Variants in SYNE2 observed in about 807,000 individuals in gnomAD.
SYNE2 encodes the protein spectrin repeat containing nuclear envelope protein 2, also known as nesprin-2.
Under a neutral mutation model 856.3 loss-of-function variants are expected in SYNE2, and 431 were observed. The observed-to-expected ratio is 0.50, with a 90% CI of 0.47 to 0.55. SYNE2 has a LOEUF of 0.55. SYNE2 is among the 20% of genes least tolerant of loss of function. The probability of loss-of-function intolerance (pLI) is 0.00; values close to 1 mark genes in which losing one functional copy is unlikely to be tolerated. For synonymous variants in SYNE2, 2,923 were observed against 2,872.3 expected (o/e 1.02, Z -0.56); for missense variants, 8,129 against 8,023.2 (o/e 1.01, Z -0.50).
At chr14:64,086,464 G>C (rs2097562056) in intron 57 of SYNE2, among the ~76,000 whole-genome samples, 2 of 152,020 alleles carry the variant, frequency 1.3e-5, no homozygotes, top group South Asian at 4.1e-4. Context: ...TTTCAGATTT[G>C]TTTTGGCTAA....
chr14:64,039,488 A>G (rs564373409), intron 45 of SYNE2, among the ~76,000 whole-genome samples: 92 of 152,334 alleles, frequency 6.0e-4, no homozygotes, highest in Non-Finnish European at 1.0e-3. Context: ...GGAGGAGTTC[A>G]TGATATTCTT....
At chr14:63,981,321 C>T in intron 16 of SYNE2, 148 bp downstream of exon 16, 2 of 723,340 alleles carry the variant, frequency 2.8e-6, no homozygotes, top group Non-Finnish European at 2.3e-6. Flanking sequence ...AATTTAGTTT[C>T]TTCCTGATAT....
At chr14:64,198,062 G>A (rs772137969) in intron 99 of SYNE2, among the ~76,000 whole-genome samples, 65 of 152,158 alleles carry the variant, frequency 4.3e-4, no homozygotes, top group Non-Finnish European at 8.4e-4. Context: ...TAAAAATTTT[G>A]TTTTTCTGAT....
At chr14:64,051,362 G>C (rs549178666) in intron 47 of SYNE2, among the ~76,000 whole-genome samples, 195 bp from the exon 48 acceptor site, 14 of 150,692 alleles carry the variant, frequency 9.3e-5, no homozygotes, top group African/African-American at 3.4e-4. Context: ...TTTTATAGGA[G>C]AGTTTTCTAC....
intron 19 of SYNE2, among the ~76,000 whole-genome samples, chr14:63,987,016 G>A (rs772710951): frequency 6.6e-6 from 1 of 152,108 alleles, no homozygotes; most frequent in Non-Finnish European, 1.5e-5. Flanking sequence ...CACTTTGGGC[G>A]GTTGAAGTGG....
Position 64,107,579 on chromosome 14 carries a change from G to C in SYNE2, c.12581G>C (p.Cys4194Ser). The change falls in exon 65 of 116, where the codon TGT (cysteine) becomes TCT (serine). Residue 4194 changes from cysteine to serine, a missense_variant. This residue lies in a region of SYNE2 where 5,410 missense variants were observed against 5,284.8 expected (regional missense o/e 1.02). Coordinates refer to ENST00000555002, the MANE Select transcript of SYNE2 (RefSeq NM_182914.3). ...CTAAACACTGAGCAAGGCCCAGAATGTTCCCTAAGGCCCAACCAAACAGAA... is the reference window on the plus strand; with the variant it reads ...CTAAACACTGAGCAAGGCCCAGAATCTTCCCTAAGGCCCAACCAAACAGAA... Reference protein sequence around the residue: ...DSLNTEQGPECSLRPNQTEEG... With the variant: ...DSLNTEQGPESSLRPNQTEEG... 6.2e-7 allele frequency: 1 copy of C among 1,614,146 alleles called. No homozygotes were observed. The highest frequency in any genetic ancestry group is 8.5e-7 in the Non-Finnish European group (1 of 1,180,002).
intron 1 of SYNE2, among the ~76,000 whole-genome samples, chr14:63,842,161 TG>T (rs1890088920): frequency 6.6e-6 from 1 of 151,262 alleles, no homozygotes; most frequent in South Asian, 2.1e-4. Flanking sequence ...TTCTTCTTTT[TG>T]TTTGTTTGTT....
At chr14:64,065,380 A>G (rs2097350984) in intron 50 of SYNE2, 52 bp from the exon 51 acceptor site, 2 of 1,513,146 alleles carry the variant, frequency 1.3e-6, no homozygotes, top group South Asian at 1.1e-5. Flanking sequence ...AGTAAGTTTC[A>G]GGAAAACCAT....
chr14:63,831,714 C>A (rs1351919580), intron 1 of SYNE2, among the ~76,000 whole-genome samples: 2 of 151,742 alleles, frequency 1.3e-5, no homozygotes, highest in East Asian at 3.9e-4. Context: ...CACCACCACA[C>A]CTGGCTAATT....
At chr14:64,132,785 C>T (rs1193011367) in intron 77 of SYNE2, among the ~76,000 whole-genome samples, 1 of 152,056 alleles carries the variant, frequency 6.6e-6, no homozygotes, top group East Asian at 1.9e-4. Context: ...GCCCAGATGT[C>T]CTAAAATGGA....
At chr14:64,065,030 A>ACTC (rs2097347897) in intron 50 of SYNE2, among the ~76,000 whole-genome samples, 10 of 152,042 alleles carry the variant, frequency 6.6e-5, no homozygotes, top group Admixed American at 6.6e-4. Flanking sequence ...ACGCCCAGCT[A>ACTC]AATTTTGTGT....
rs1397120763 is a variant in SYNE2 at position 64,165,544 on chromosome 14, G to A, written c.16605+134G>A. ...TTTTTTTTTTTTGAGACGGACTCTCGCTCTGTCACCCAGGCTGGAGTGCAG... is the reference window on the plus strand; with the variant it reads ...TTTTTTTTTTTTGAGACGGACTCTCACTCTGTCACCCAGGCTGGAGTGCAG... On this transcript the variant is annotated intron_variant, in intron 90 of 115. Coordinates refer to ENST00000555002, the MANE Select transcript of SYNE2 (RefSeq NM_182914.3). 137 of 964,178 alleles carry A rather than the reference G, an allele frequency of 1.4e-4. 1 individual carries two copies. Among genetic ancestry groups the A allele is most frequent in the East Asian group, 8.0e-5 (3 of 37,332 alleles). The allele number at this position is 964,178 out of a possible 1,614,324, so 59.7% of individuals were successfully genotyped here.
In SYNE2 at chr14:64,162,167, C is replaced by G. The variant is rs1464952796; in HGVS notation, c.16190C>G (p.Ala5397Gly). 1.2e-6 allele frequency: 2 copies of G among 1,614,204 alleles called. No homozygotes were observed. Among genetic ancestry groups the G allele is most frequent in the East Asian group, 2.2e-5 (1 of 44,876 alleles). Residue 5397 changes from alanine to glycine, a missense_variant, in exon 88 of 116, where the codon GCT becomes GGT. Coordinates refer to ENST00000555002, the MANE Select transcript of SYNE2 (RefSeq NM_182914.3). Reference protein sequence around the residue: ...WKAYSNAHGEAAARLKQQEAK... With the variant: ...WKAYSNAHGEGAARLKQQEAK... ...GCCTATAGCAATGCTCATGGTGAAG[C>G]TGCCGCAAGGCTGAAGCAGCAGGAA...
intron 57 of SYNE2, among the ~76,000 whole-genome samples, chr14:64,086,544 A>G (rs1424636128): frequency 6.6e-6 from 1 of 152,000 alleles, no homozygotes; most frequent in African/African-American, 2.4e-5. Context: ...GGTCTGTGGG[A>G]ATTTTGAGTG....
chr14:64,136,997 C>T (rs538632837), intron 78 of SYNE2, among the ~76,000 whole-genome samples: 50 of 152,266 alleles, frequency 3.3e-4, no homozygotes, highest in Non-Finnish European at 2.4e-4. Context: ...ACATGAGATG[C>T]AGACCAACAA....
chr14:63,827,625 C>CAAAAAAAAAAAAAAAAAAAAAAAA (rs11334415), intron 1 of SYNE2, among the ~76,000 whole-genome samples: 12 of 28,404 alleles, frequency 4.2e-4, no homozygotes, highest in Non-Finnish European at 4.4e-4. Context: ...AACTCTGTCT[C>CAAAAAAAAAAAAAAAAAAAAAAAA]AAAAAAAAAA....
Position 64,177,446 on chromosome 14 carries a change from TTCAC to T in SYNE2, c.17520_17523del (p.His5841ArgfsTer9). Reference sequence around the variant, plus strand: ...CAAAGTGAAGATCCTCTTCCAGAGCTTCACGAGGACCTCCATAACGAAAAAGAGC... The same window carrying T: ...CAAAGTGAAGATCCTCTTCCAGAGCTGAGGACCTCCATAACGAAAAAGAGC... On this transcript the variant is annotated frameshift_variant, in exon 96 of 116. Transcript: ENST00000555002. LOFTEE classifies it high-confidence loss of function. The T allele has an allele frequency of 6.2e-7, 1 of 1,614,172 alleles. No homozygotes were observed. The highest frequency in any genetic ancestry group is 8.5e-7 in the Non-Finnish European group (1 of 1,180,024).
At chr14:64,216,446 A>C in intron 108 of SYNE2, 59 bp downstream of exon 108, 2 of 1,586,622 alleles carry the variant, frequency 1.3e-6, no homozygotes, top group Non-Finnish European at 1.7e-6. Context: ...TTACATTTGC[A>C]AGAGAGAGAG....
At chr14:63,827,645 A>AAC (rs1889496264) in intron 1 of SYNE2, among the ~76,000 whole-genome samples, 1 of 149,284 alleles carries the variant, frequency 6.7e-6, no homozygotes, top group Non-Finnish European at 1.5e-5. Context: ...AAAAAAAAAA[A>AAC]AAAAAAAAAA....
Sources: allele counts gnomAD v4.1 joint callset (sites outside exome capture counted in the v4.1 genomes callset), GRCh38; gene constraint gnomAD v4.1.1; regional missense constraint gnomAD v4.1.1; transcripts MANE v1.5; gene names NCBI Gene and HGNC (gene_info 2026-07-23, HGNC 2026-07-21).